Variants in C3orf33 observed in about 807,000 individuals in gnomAD.
The protein encoded by C3orf33 is mitochondrial inner membrane subdomain organizer 1.
Under a neutral mutation model 28.7 loss-of-function variants are expected in C3orf33, and 23 were observed. The ratio of observed to expected loss-of-function variants is 0.80; its 90% CI spans 0.58 to 1.13. The LOEUF (loss-of-function observed/expected upper bound fraction) is 1.13, where lower values mean the gene tolerates loss of function less well. C3orf33 is among the 50% of genes most tolerant of loss of function. The pLI, the probability that C3orf33 is intolerant of heterozygous loss-of-function variation, is 0.00. For synonymous variants in C3orf33, 119 were observed against 120.5 expected (o/e 0.99, Z 0.08); for missense variants, 327 against 353.4 (o/e 0.93, Z 0.60).
intron 4 of C3orf33, among the ~76,000 whole-genome samples, chr3:155,765,920 T>C (rs1320855221): frequency 6.6e-6 from 1 of 151,736 alleles, no homozygotes; most frequent in Non-Finnish European, 1.5e-5. Context: ...ATAATTCTTA[T>C]TTTGAAAGTA....
At chr3:155,786,842 T>A (rs1240575343) in intron 2 of C3orf33, among the ~76,000 whole-genome samples, 1 of 151,800 alleles carries the variant, frequency 6.6e-6, no homozygotes, top group African/African-American at 2.4e-5. Flanking sequence ...AAAAAATAAA[T>A]AAATAAATAA....
At chr3:155,794,329 GGTGATAAGATATTT>G (rs1751418501) in intron 2 of C3orf33, among the ~76,000 whole-genome samples, 1 of 151,894 alleles carries the variant, frequency 6.6e-6, no homozygotes, top group African/African-American at 2.4e-5. Flanking sequence ...TAAAATAACA[GGTGATAAGATATTT>G]GCAAGCCTCA....
intron 2 of C3orf33, among the ~76,000 whole-genome samples, chr3:155,796,444 C>T (rs1751478273): frequency 6.6e-6 from 1 of 152,054 alleles, no homozygotes; most frequent in African/African-American, 2.4e-5. Flanking sequence ...AATATTGTAA[C>T]ATGAAGAAAT....
intron 2 of C3orf33, 37 bp downstream of exon 2, chr3:155,802,495 C>T (rs577467931): frequency 1.5e-5 from 22 of 1,500,438 alleles, no homozygotes; most frequent in East Asian, 6.8e-5. Flanking sequence ...AAACTACCTA[C>T]GGCTTGTTGT....
chr3:155,788,007 C>G (rs772675659), intron 2 of C3orf33, among the ~76,000 whole-genome samples: 2 of 150,926 alleles, frequency 1.3e-5, no homozygotes, highest in African/African-American at 4.9e-5. Flanking sequence ...CTGGTTAACA[C>G]GGTGAAACCC....
intron 1 of C3orf33, chr3:155,805,861 G>C (rs1292618639): frequency 1.9e-6 from 1 of 530,814 alleles, no homozygotes; most frequent in Non-Finnish European, 3.4e-6. Context: ...CCCCGAGCTG[G>C]GCTGCGTCTC....
chr3:155,770,962 CTGTGTGTGTGTGTG>C (rs3068982), intron 3 of C3orf33, among the ~76,000 whole-genome samples: 3 of 129,994 alleles, frequency 2.3e-5, no homozygotes, highest in Non-Finnish European at 3.2e-5. Context: ...GCATGAACCA[CTGTGTGTGTGTGTG>C]TGTGTGTGTG....
chr3:155,800,610 CAAAAA>C (rs58092818), intron 2 of C3orf33, among the ~76,000 whole-genome samples: 61 of 15,608 alleles, frequency 3.9e-3, no homozygotes, highest in South Asian at 8.7e-3. Flanking sequence ...ACCTTATCTC[CAAAAA>C]AAAAAAAAAA....
At chr3:155,792,268 G>T (rs1751337984) in intron 2 of C3orf33, among the ~76,000 whole-genome samples, 1 of 152,162 alleles carries the variant, frequency 6.6e-6, no homozygotes, top group Non-Finnish European at 1.5e-5. Context: ...CTGGGCTTGG[G>T]ATGCCCCCTA....
chr3:155,767,682 G>T lies in C3orf33; in HGVS notation c.323-13C>A. On this transcript the variant is annotated splice_polypyrimidine_tract_variant and intron_variant, in intron 3 of 4. Coordinates refer to ENST00000340171, the MANE Select transcript of C3orf33 (RefSeq NM_001308229.2). ...CCACGTGGCTCTTCTAAAAAGGTTA[G>T]GTAGAAAAGAGTTTAGCTTTAACAG... 2 of 1,484,400 alleles carry T rather than the reference G, an allele frequency of 1.3e-6. No individual in the cohort carries two copies. Among genetic ancestry groups the T allele is most frequent in the Non-Finnish European group, 9.0e-7 (1 of 1,105,596 alleles). The allele number at this position is 1,484,400 out of a possible 1,614,324, so 92.0% of individuals were successfully genotyped here.
intron 2 of C3orf33, among the ~76,000 whole-genome samples, chr3:155,786,220 GA>G (rs1400776966): frequency 6.6e-6 from 1 of 151,674 alleles, no homozygotes; most frequent in Non-Finnish European, 1.5e-5. Context: ...GAAATGGGGG[GA>G]AAAGGCCACA....
chr3:155,805,289 C>A (rs1160277122), intron 1 of C3orf33, among the ~76,000 whole-genome samples: 2 of 151,814 alleles, frequency 1.3e-5, no homozygotes, highest in Non-Finnish European at 2.9e-5. Flanking sequence ...ACAGGAAGAC[C>A]TTGCCTCTAC....
At chr3:155,764,243 TG>T (rs1559986088) in intron 4 of C3orf33, among the ~76,000 whole-genome samples, 1 of 152,084 alleles carries the variant, frequency 6.6e-6, no homozygotes, top group Non-Finnish European at 1.5e-5. Context: ...GGAGGGGAAG[TG>T]GGACACCCAA....
chr3:155,803,564 C>CAAAAAAAA (rs63676264), intron 1 of C3orf33, among the ~76,000 whole-genome samples: 6 of 53,824 alleles, frequency 1.1e-4, no homozygotes, highest in South Asian at 9.6e-4. Context: ...GACTCAGTCT[C>CAAAAAAAA]AAAAAAAAAA....
chr3:155,789,884 T>C (rs1450100376), intron 2 of C3orf33, among the ~76,000 whole-genome samples: 1 of 152,068 alleles, frequency 6.6e-6, no homozygotes, highest in Non-Finnish European at 1.5e-5. Flanking sequence ...TTTTCAAAAA[T>C]GGTGCTGGGA....
intron 2 of C3orf33, among the ~76,000 whole-genome samples, chr3:155,800,047 A>G (rs1477602677): frequency 6.6e-6 from 1 of 152,172 alleles, no homozygotes. Flanking sequence ...TTTATTGTAC[A>G]TTTTAAAATA....
At chr3:155,779,934 A>T (rs1288819844) in intron 2 of C3orf33, among the ~76,000 whole-genome samples, 1 of 152,218 alleles carries the variant, frequency 6.6e-6, no homozygotes, top group Non-Finnish European at 1.5e-5. Flanking sequence ...TGTGAGAAAG[A>T]TTCCATTGCA....
At chr3:155,793,809 C>CAAAAAAAAAAAAAAAAAAAAAAAAAAA (rs1176317323) in intron 2 of C3orf33, among the ~76,000 whole-genome samples, 1 of 37,482 alleles carries the variant, frequency 2.7e-5, no homozygotes, top group Non-Finnish European at 6.2e-5. Flanking sequence ...GACTCTGACT[C>CAAAAAAAAAAAAAAAAAAAAAAAAAAA]AAAAAAAAAA....
intron 4 of C3orf33, among the ~76,000 whole-genome samples, chr3:155,764,859 A>AAAAT (rs1182468721): frequency 6.6e-6 from 1 of 152,142 alleles, no homozygotes; most frequent in Non-Finnish European, 1.5e-5. Flanking sequence ...CCATCTCGGG[A>AAAAT]AAATAAATAA....
Sources: gnomAD v4.1 joint callset for allele counts (sites outside exome capture counted in the v4.1 genomes callset) on GRCh38, gnomAD v4.1.1 for gene constraint, MANE v1.5 for transcripts, NCBI Gene and HGNC (gene_info 2026-07-23, HGNC 2026-07-21) for gene names.